PDXK: variants seen among roughly 807,000 people sequenced by gnomAD.
The protein encoded by PDXK is epididymis secretory sperm binding protein Li 1a.
Under a neutral mutation model 43.2 loss-of-function variants are expected in PDXK, and 15 were observed. That is an observed-to-expected ratio of 0.35 (90% CI 0.23 to 0.53). The LOEUF (loss-of-function observed/expected upper bound fraction) is 0.53, where lower values mean the gene tolerates loss of function less well. Among genes scored for constraint, PDXK ranks in the 20% least tolerant of loss-of-function variants. The probability of loss-of-function intolerance (pLI) is 0.92; values close to 1 mark genes in which losing one functional copy is unlikely to be tolerated. For missense variants in PDXK, 343 were observed against 417.0 expected, an observed-to-expected ratio of 0.82 and a Z score of 1.54; for synonymous variants, 172 against 165.4, an observed-to-expected ratio of 1.04 and a Z score of -0.31.
intron 1 of PDXK, among the ~76,000 whole-genome samples, chr21:43,729,741 A>G (rs552413628): frequency 6.6e-6 from 1 of 152,218 alleles, no homozygotes; most frequent in East Asian, 1.9e-4. Context: ...GGAGTTCAAG[A>G]CCAGCCTGGG....
rs535719826 is a variant in PDXK, at chr21:43,740,181, A to G, written c.143-1486A>G. Among the ~76,000 whole-genome samples, 3 of 152,188 alleles carry G rather than the reference A, an allele frequency of 2.0e-5. No individual in the cohort carries two copies. The South Asian group carries it at 6.2e-4, about 32-fold the overall frequency. ...GAGCGTGGCTCCTGATGGCAGTCTC[A>G]GGACCTTTGCGCCACACGTCCTCCC... is the stretch of plus-strand genomic sequence containing the variant. On this transcript the variant is annotated intron_variant, in intron 2 of 10. Coordinates refer to ENST00000291565, the MANE Select transcript of PDXK (RefSeq NM_003681.5).
chr21:43,737,946 C>A lies in PDXK; in HGVS notation c.143-3721C>A. ...CCCACATCCCACAGTGGGCAGGAGGCCACCAAGAGGTGCAAGACCATGCCC... is the reference window on the plus strand; with the variant it reads ...CCCACATCCCACAGTGGGCAGGAGGACACCAAGAGGTGCAAGACCATGCCC... On this transcript the variant is annotated intron_variant, in intron 2 of 10. Transcript: ENST00000291565. This position sits in a 1 kb window ranked among gnomAD's most constrained non-coding sequence, Gnocchi z 4.8. 1.0e-6 allele frequency: 1 copy of A among 985,484 alleles called. No individual in the cohort carries two copies. The highest frequency in any genetic ancestry group is 1.2e-6 in the Non-Finnish European group (1 of 829,964). The allele number at this position is 985,484 out of a possible 1,614,324, so 61.0% of individuals were successfully genotyped here. A position where few individuals can be genotyped will look rare whatever the true frequency, so the allele number is the denominator to read the frequency against.
intron 5 of PDXK, among the ~76,000 whole-genome samples, chr21:43,748,741 T>C (rs879455130): frequency 1.3e-5 from 2 of 152,070 alleles, no homozygotes; most frequent in Admixed American, 1.3e-4. Context: ...AGACACTCTG[T>C]GGGGACCCAC....
chr21:43,744,914 A>G (rs2083610590), intron 4 of PDXK, among the ~76,000 whole-genome samples: 1 of 152,200 alleles, frequency 6.6e-6, no homozygotes, highest in Non-Finnish European at 1.5e-5. Flanking sequence ...ACAATGGAGT[A>G]TTACTCAGTC....
intron 7 of PDXK, among the ~76,000 whole-genome samples, chr21:43,750,933 T>A (rs555702397): frequency 1.1e-3 from 156 of 147,062 alleles, no homozygotes; most frequent in Admixed American, 1.9e-3. Context: ...TGTGTGCGTA[T>A]GTGTGCACGT....
Position 43,737,784 on chromosome 21 carries a change from A to G in PDXK, c.142+3661A>G. The stretch of plus-strand genomic sequence containing the variant: ...ACTCCCTGGCCGGCTGGGATCTGAC[A>G]GGAGTGCCAGGCTCCTTGGGCCGCC... On this transcript the variant is annotated intron_variant, in intron 2 of 10. Transcript: ENST00000291565. The surrounding 1 kb of genome is among the most constrained non-coding windows in gnomAD (Gnocchi z 4.8). The G allele has an allele frequency of 1.7e-5, 17 of 985,420 alleles. No individual in the cohort carries two copies. The highest frequency in any genetic ancestry group is 2.0e-5 in the Non-Finnish European group (17 of 829,926). The allele number at this position is 985,420 out of a possible 1,614,324, so 61.0% of individuals were successfully genotyped here. A position where few individuals can be genotyped will look rare whatever the true frequency, so the allele number is the denominator to read the frequency against.
chr21:43,751,914 C>T (rs965465717), intron 7 of PDXK, among the ~76,000 whole-genome samples: 1 of 152,210 alleles, frequency 6.6e-6, no homozygotes, highest in African/African-American at 2.4e-5. Flanking sequence ...AGCAGCCTGG[C>T]GCTGCCCTGA....
rs547285286 is a variant in PDXK at position 43,751,166 on chromosome 21, G to A, written c.510+621G>A. Among the ~76,000 whole-genome samples the A allele has an allele frequency of 1.7e-4, 26 of 152,348 alleles. No individual in the cohort carries two copies. The South Asian group carries it at 4.1e-3, about 24-fold the overall frequency. On this transcript the variant is annotated intron_variant, in intron 7 of 10. Coordinates refer to ENST00000291565, the MANE Select transcript of PDXK (RefSeq NM_003681.5). ...TTTCTCCGGGACTTGGAGACCGTGC[G>A]TGTCTTGCTAGCATTGAACCTTGGT...
chr21:43,719,193 GGAGCCGGGGCCGGAGCCCGAGCCCGAGCC>G lies in PDXK; in HGVS notation c.-94_-66del, dbSNP rs2083185712. On this transcript the variant is annotated 5_prime_UTR_variant, in exon 1 of 11. Transcript: ENST00000291565. ...GCCAGAGCCAGAGTCGCAGCCGAGG[GGAGCCGGGGCCGGAGCCCGAGCCCGAGCC>G]GAGCCGGAGCCCGAGCGAGCGGCGG... 1 of 512,580 alleles carries G rather than the reference GGAGCCGGGGCCGGAGCCCGAGCCCGAGCC, an allele frequency of 2.0e-6. No individual in the cohort carries two copies. The highest frequency in any genetic ancestry group is 4.8e-5 in the Admixed American group (1 of 20,954). 31.8% of individuals were successfully genotyped at this position (512,580 alleles called of 1,614,324 possible). A position where few individuals can be genotyped will look rare whatever the true frequency, so the allele number is the denominator to read the frequency against.
Position 43,735,936 on chromosome 21 carries a change from G to A in PDXK, c.142+1813G>A, listed in dbSNP as rs1296883652. On this transcript the variant is annotated intron_variant, in intron 2 of 10. Coordinates refer to ENST00000291565, the MANE Select transcript of PDXK (RefSeq NM_003681.5). This position sits in a 1 kb window ranked among gnomAD's most constrained non-coding sequence, Gnocchi z 5.3. Reference sequence around the variant, plus strand: ...TGCTGGGGAGTGAGGCTGGTGCATCGTGTACCTGCCCTGGGTGCCACGGGA... The same window carrying A: ...TGCTGGGGAGTGAGGCTGGTGCATCATGTACCTGCCCTGGGTGCCACGGGA... 2.6e-5 allele frequency among the ~76,000 whole-genome samples: 4 copies of A among 152,162 alleles called. No homozygotes were observed. The highest frequency in any genetic ancestry group is 7.2e-5 in the African/African-American group (3 of 41,440).
Position 43,756,224 on chromosome 21 carries a change from C to T in PDXK, c.*161C>T, listed in dbSNP as rs141906527. Reference sequence around the variant, plus strand: ...GGTCTTCATTGTGAAACGTGCCAGTCGTGCTTTGTGAAAAATAACAAAGTG... The same window carrying T: ...GGTCTTCATTGTGAAACGTGCCAGTTGTGCTTTGTGAAAAATAACAAAGTG... On this transcript the variant is annotated 3_prime_UTR_variant, in exon 11 of 11. Coordinates refer to ENST00000291565, the MANE Select transcript of PDXK (RefSeq NM_003681.5). 2.9e-4 allele frequency: 154 copies of T among 540,044 alleles called. No individual in the cohort carries two copies. Among genetic ancestry groups the T allele is most frequent in the East Asian group, 2.7e-3 (88 of 32,300 alleles). The allele number at this position is 540,044 out of a possible 1,614,324, so 33.5% of individuals were successfully genotyped here. A position where few individuals can be genotyped will look rare whatever the true frequency, so the allele number is the denominator to read the frequency against.
At chr21:43,720,045 A>G (rs1243262238) in intron 1 of PDXK, among the ~76,000 whole-genome samples, 3 of 152,340 alleles carry the variant, frequency 2.0e-5, no homozygotes, top group East Asian at 3.9e-4. Flanking sequence ...CCCAGAGAGC[A>G]GTTCGGGACT....
chr21:43,743,731 G>A lies in PDXK; in HGVS notation c.255G>A (p.Thr85=), dbSNP rs144786200. 494 of 1,611,986 alleles carry A rather than the reference G, an allele frequency of 3.1e-4. 1 individual carries two copies. Among genetic ancestry groups the A allele is most frequent in the Admixed American group, 4.2e-4 (25 of 59,982 alleles). The change falls in exon 4 of 11, where the codon ACG becomes ACA. Residue 85 remains threonine (T), a synonymous_variant. Coordinates refer to ENST00000291565, the MANE Select transcript of PDXK (RefSeq NM_003681.5). ...NKYDYVLTGY[T]RDKSFLAMVV... is the part of the protein sequence containing the mutation. ...TGGATTCTCCCCCTAAAGGTTATACGAGGGACAAGTCGTTCCTGGCCATGG... is the reference window on the plus strand; with the variant it reads ...TGGATTCTCCCCCTAAAGGTTATACAAGGGACAAGTCGTTCCTGGCCATGG...
intron 6 of PDXK, 128 bp downstream of exon 6, chr21:43,749,208 A>G: frequency 5.8e-6 from 3 of 517,632 alleles, no homozygotes; most frequent in South Asian, 2.2e-5. Context: ...GGGTTCAAGC[A>G]ATTCTCCTGC....
rs568880009 is a variant in PDXK at position 43,754,767 on chromosome 21, C to G, written c.760-931C>G. On this transcript the variant is annotated intron_variant, in intron 9 of 10. Transcript: ENST00000291565. The surrounding 1 kb of genome is among the most constrained non-coding windows in gnomAD (Gnocchi z 5.5). ...GGAAGGAAGAGTTCAGAGGTCAGGA[C>G]CTGCAGGTGGCTCTCCCTGTGCTGT... Among the ~76,000 whole-genome samples, 66 of 152,252 alleles carry G rather than the reference C, an allele frequency of 4.3e-4. No homozygotes were observed. The highest frequency in any genetic ancestry group is 1.6e-3 in the African/African-American group (66 of 41,544).
rs1651971494 is a variant in PDXK at position 43,757,659 on chromosome 21, A to C, written c.*1596A>C. On this transcript the variant is annotated 3_prime_UTR_variant, in exon 11 of 11. Coordinates refer to ENST00000291565, the MANE Select transcript of PDXK (RefSeq NM_003681.5). ...TCTGTTCGTTCTGAATGTCTTCACG[A>C]GCGTGCATCAGGGCGCCTGGCTCCC... The C allele has an allele frequency of 2.7e-5, 4 of 150,134 alleles. No homozygotes were observed. Among genetic ancestry groups the C allele is most frequent in the African/African-American group, 9.9e-5 (4 of 40,536 alleles). 9.3% of individuals were successfully genotyped at this position (150,134 alleles called of 1,614,324 possible).
intron 5 of PDXK, among the ~76,000 whole-genome samples, chr21:43,746,907 T>C (rs2083648445): frequency 6.6e-6 from 1 of 152,046 alleles, no homozygotes; most frequent in African/African-American, 2.4e-5. Context: ...CCAGAGCGGG[T>C]GGCTGGCTTG....
rs1348040897 is a variant in PDXK at position 43,762,246 on chromosome 21, G to A, written c.*6183G>A. ...GCACTGTGTAGGCTGCATCTGTTTC[G>A]TGCTGGTCCTGTTGACTTGTATGAT... On this transcript the variant is annotated 3_prime_UTR_variant, in exon 11 of 11. Coordinates refer to ENST00000291565, the MANE Select transcript of PDXK (RefSeq NM_003681.5). The A allele has an allele frequency of 1.3e-5, 2 of 152,228 alleles. No individual in the cohort carries two copies. Among genetic ancestry groups the A allele is most frequent in the Non-Finnish European group, 1.5e-5 (1 of 68,054 alleles). The allele number at this position is 152,228 out of a possible 1,614,324, so 9.4% of individuals were successfully genotyped here.
chr21:43,755,629 C>G (rs1389448018), intron 9 of PDXK, 69 bp from the exon 10 acceptor site: 4 of 1,296,432 alleles, frequency 3.1e-6, no homozygotes, highest in Non-Finnish European at 3.4e-6. Context: ...GAAATCCCCT[C>G]CTGGCAGCAG....
Sources: gnomAD v4.1 joint callset for allele counts (sites outside exome capture counted in the v4.1 genomes callset) on GRCh38, gnomAD v4.1.1 for gene constraint, Gnocchi (gnomAD v3.1) non-coding constraint, MANE v1.5 for transcripts, NCBI Gene and HGNC (gene_info 2026-07-23, HGNC 2026-07-21) for gene names.